Variants in ASXL1 observed in about 807,000 individuals in gnomAD.
ASXL1 encodes the protein ASXL transcriptional regulator 1, also known as polycomb group protein ASXL1.
Under a neutral mutation model 89.1 loss-of-function variants are expected in ASXL1, and 65 were observed. The observed-to-expected ratio is 0.73, with a 90% CI of 0.60 to 0.90. ASXL1 has a LOEUF of 0.90. Among genes scored for constraint, ASXL1 ranks in the 40% least tolerant of loss-of-function variants. ASXL1 has a pLI of 0.00. For missense variants in ASXL1, 1,786 were observed against 1,942.9 expected, an observed-to-expected ratio of 0.92 and a Z score of 1.52; for synonymous variants, 739 against 746.9, an observed-to-expected ratio of 0.99 and a Z score of 0.17.
chr20:32,384,364 G>A (rs1344453357), intron 4 of ASXL1, among the ~76,000 whole-genome samples: 1 of 151,846 alleles, frequency 6.6e-6, no homozygotes, highest in Non-Finnish European at 1.5e-5. Flanking sequence ...CACCATGCCC[G>A]GCTAATTCTG....
chr20:32,437,441 G>T lies in ASXL1; in HGVS notation c.*103G>T. On this transcript the variant is annotated 3_prime_UTR_variant, in exon 13 of 13. Coordinates refer to ENST00000375687, the MANE Select transcript of ASXL1 (RefSeq NM_015338.6). Reference sequence around the variant, plus strand: ...ATATCATTGATATAATACTCTTTAGGCAGGAGCACTCTTGCCTTCCCCCAA... The same window carrying T: ...ATATCATTGATATAATACTCTTTAGTCAGGAGCACTCTTGCCTTCCCCCAA... The T allele has an allele frequency of 6.5e-7, 1 of 1,543,308 alleles. No individual in the cohort carries two copies. Among genetic ancestry groups the T allele is most frequent in the Non-Finnish European group, 8.9e-7 (1 of 1,121,230 alleles).
At chr20:32,412,594 ATT>A (rs377498376) in intron 4 of ASXL1, among the ~76,000 whole-genome samples, 17 of 137,520 alleles carry the variant, frequency 1.2e-4, no homozygotes, top group Non-Finnish European at 1.4e-4. Flanking sequence ...AAAGAAATAA[ATT>A]TTTTTTTTTT....
At chr20:32,359,142 T>C in intron 1 of ASXL1, 1 of 632,364 alleles carries the variant, frequency 1.6e-6, no homozygotes, top group South Asian at 1.8e-5. Flanking sequence ...CCTCCCCCAC[T>C]ATTTGGCAGC....
At chr20:32,364,307 CTGG>C (rs746967949) in intron 1 of ASXL1, among the ~76,000 whole-genome samples, 2 of 151,854 alleles carry the variant, frequency 1.3e-5, no homozygotes, top group Non-Finnish European at 2.9e-5. Context: ...CTTCCACTTC[CTGG>C]GCTCAGATGA....
At chr20:32,421,716 A>G (rs541652154) in intron 4 of ASXL1, among the ~76,000 whole-genome samples, 2 of 152,348 alleles carry the variant, frequency 1.3e-5, no homozygotes, top group East Asian at 3.9e-4. Flanking sequence ...GATGAATAGC[A>G]TAAACAGGCT....
chr20:32,402,820 T>A (rs766375761), intron 4 of ASXL1, among the ~76,000 whole-genome samples: 6 of 152,244 alleles, frequency 3.9e-5, no homozygotes, highest in Non-Finnish European at 8.8e-5. Context: ...CTGTTGAGTG[T>A]TCTAGACACA....
chr20:32,393,112 T>C (rs2048701768), intron 4 of ASXL1, among the ~76,000 whole-genome samples: 1 of 152,246 alleles, frequency 6.6e-6, no homozygotes, highest in Non-Finnish European at 1.5e-5. Context: ...TTCTGTATTC[T>C]TACCGATTTT....
In ASXL1 at chr20:32,435,328, C is replaced by T. The variant is rs779837740; in HGVS notation, c.2616C>T (p.Cys872=). 5 of 1,614,152 alleles carry T rather than the reference C, an allele frequency of 3.1e-6. No individual in the cohort carries two copies. In the Admixed American group the frequency reaches 6.7e-5, roughly 22 times the overall value. The change falls in exon 13 of 13, where the codon TGC becomes TGT. Residue 872 remains cysteine, a synonymous_variant. Coordinates refer to ENST00000375687, the MANE Select transcript of ASXL1 (RefSeq NM_015338.6). ...FDDELGLGGS[C]PPMRESDTRQ... ...ACGAATTAGGGCTTGGTGGCTCATG[C>T]CCTCCTATGAGGGAAAGTGATACTA...
At chr20:32,408,808 T>G (rs6058682) in intron 4 of ASXL1, among the ~76,000 whole-genome samples, 3,233 of 152,286 alleles carry the variant, frequency 0.021, 113 homozygotes, top group African/African-American at 0.074. Flanking sequence ...ATGTTGACTT[T>G]GTAGGGAGAA....
intron 12 of ASXL1, 189 bp downstream of exon 12, chr20:32,434,106 C>G: frequency 1.1e-6 from 1 of 882,108 alleles, no homozygotes. Context: ...CTTTTTTGTT[C>G]ACTCTGTTGA....
intron 4 of ASXL1, among the ~76,000 whole-genome samples, chr20:32,374,054 C>A (rs1211267181): frequency 1.3e-5 from 2 of 151,986 alleles, no homozygotes; most frequent in East Asian, 3.9e-4. Context: ...GCTTTGTCAT[C>A]CAGGCTGGAG....
chr20:32,412,729 T>G (rs2049071362), intron 4 of ASXL1, among the ~76,000 whole-genome samples: 1 of 151,776 alleles, frequency 6.6e-6, no homozygotes, highest in Non-Finnish European at 1.5e-5. Context: ...GCTAATTTTT[T>G]TTTTTTTTTG....
At chr20:32,390,130 C>T (rs1233686341) in intron 4 of ASXL1, among the ~76,000 whole-genome samples, 6 of 152,136 alleles carry the variant, frequency 3.9e-5, no homozygotes, top group Non-Finnish European at 7.4e-5. Flanking sequence ...ACTTAGCCTA[C>T]CTTAAATGCA....
At chr20:32,400,195 C>A (rs1000924260) in intron 4 of ASXL1, among the ~76,000 whole-genome samples, 1 of 152,196 alleles carries the variant, frequency 6.6e-6, no homozygotes, top group African/African-American at 2.4e-5. Flanking sequence ...ATTCTAACAT[C>A]TGTGTCATTT....
intron 1 of ASXL1, among the ~76,000 whole-genome samples, chr20:32,360,966 C>T (rs573462216): frequency 1.1e-4 from 16 of 152,280 alleles, no homozygotes; most frequent in African/African-American, 3.4e-4. Flanking sequence ...AGGCTGGTCT[C>T]GAACTCGTGA....
chr20:32,358,947 G>T, intron 1 of ASXL1, 115 bp downstream of exon 1: 1 of 1,137,336 alleles, frequency 8.8e-7, no homozygotes, highest in Non-Finnish European at 1.2e-6. Flanking sequence ...AGGGGGCGGG[G>T]CCATCTTCCT....
intron 4 of ASXL1, among the ~76,000 whole-genome samples, chr20:32,398,253 ACT>A (rs1569280946): frequency 1.3e-5 from 2 of 151,994 alleles, no homozygotes; most frequent in Non-Finnish European, 2.9e-5. Context: ...ATGGAGTCTC[ACT>A]CTGTAGCCCA....
At chr20:32,409,762 A>AT (rs1004795463) in intron 4 of ASXL1, among the ~76,000 whole-genome samples, 1 of 152,148 alleles carries the variant, frequency 6.6e-6, no homozygotes, top group East Asian at 1.9e-4. Flanking sequence ...TAAAAAAAAA[A>AT]CTGCATATTT....
rs62206920 is a variant in ASXL1 at position 32,385,467 on chromosome 20, C to G, written c.252+16344C>G. Among the ~76,000 whole-genome samples the G allele has an allele frequency of 5.9e-3, 893 of 152,212 alleles. 2 individuals are homozygous for G. Among genetic ancestry groups the G allele is most frequent in the Middle Eastern group, 0.017 (5 of 294 alleles). On this transcript the variant is annotated intron_variant, in intron 4 of 12. Coordinates refer to ENST00000375687, the MANE Select transcript of ASXL1 (RefSeq NM_015338.6). Reference sequence around the variant, plus strand: ...CTGAATGATGCTGTCTTTTTTGATGCAGTGGTGCTAAATGGGCTTTGCTTG... The same window carrying G: ...CTGAATGATGCTGTCTTTTTTGATGGAGTGGTGCTAAATGGGCTTTGCTTG...
Sources: allele counts gnomAD v4.1 joint callset (sites outside exome capture counted in the v4.1 genomes callset), GRCh38; gene constraint gnomAD v4.1.1; transcripts MANE v1.5; gene names NCBI Gene and HGNC (gene_info 2026-07-23, HGNC 2026-07-21).